The following APBA2 variants were observed in gnomAD, a reference collection of about 807,000 sequenced individuals.
APBA2 encodes the protein amyloid beta precursor protein binding family A member 2, also known as amyloid-beta A4 precursor protein-binding family A member 2.
APBA2 carries 30 observed loss-of-function variants against 75.0 expected under a neutral mutation model. The ratio of observed to expected loss-of-function variants is 0.40; its 90% CI spans 0.30 to 0.54. The LOEUF is 0.54. APBA2 is among the 20% of genes least tolerant of loss of function. The pLI is 0.49. For synonymous variants in APBA2, 444 were observed against 409.6 expected, an observed-to-expected ratio of 1.08 and a Z score of -1.01; for missense variants, 801 against 1,016.1, an observed-to-expected ratio of 0.79 and a Z score of 2.88.
intron 1 of APBA2, among the ~76,000 whole-genome samples, chr15:28,889,959 T>C (rs1197888506): frequency 6.6e-6 from 1 of 152,252 alleles, no homozygotes; most frequent in East Asian, 1.9e-4. Flanking sequence ...TAAAAGACTT[T>C]GTTCACCTCT....
chr15:29,103,320 C>T (rs1444559587), intron 10 of APBA2, among the ~76,000 whole-genome samples: 2 of 152,250 alleles, frequency 1.3e-5, no homozygotes, highest in African/African-American at 2.4e-5. Flanking sequence ...CTCTTCCCCA[C>T]CTCTCCAGCG....
chr15:29,114,123 G>T lies in APBA2; in HGVS notation c.2178+107G>T, dbSNP rs2044907075. On this transcript the variant is annotated intron_variant, in intron 14 of 14. Transcript: ENST00000683413. ...GAGGACACAGGGCATCTGAAGGTCA[G>T]CCAGGCTGTGTCTCCCATCGGGGCT... 2.0e-6 allele frequency: 3 copies of T among 1,510,154 alleles called. No individual in the cohort carries two copies. In the South Asian group the frequency reaches 3.4e-5, roughly 17 times the overall value. The allele number at this position is 1,510,154 out of a possible 1,614,324, so 93.5% of individuals were successfully genotyped here. A position where few individuals can be genotyped will look rare whatever the true frequency, so the allele number is the denominator to read the frequency against.
chr15:29,008,753 A>C (rs1026810844), intron 3 of APBA2, among the ~76,000 whole-genome samples: 1 of 152,198 alleles, frequency 6.6e-6, no homozygotes, highest in Admixed American at 6.5e-5. Context: ...GCACAGAGCC[A>C]GTCACAGGGA....
chr15:29,001,812 T>A (rs1012203649), intron 3 of APBA2, among the ~76,000 whole-genome samples: 10 of 152,208 alleles, frequency 6.6e-5, no homozygotes, highest in African/African-American at 1.9e-4. Context: ...CCCTTTTTTT[T>A]AAAAGATGGA....
chr15:29,093,842 A>G (rs2043708292), intron 7 of APBA2, among the ~76,000 whole-genome samples: 1 of 152,148 alleles, frequency 6.6e-6, no homozygotes. Flanking sequence ...CTCACCATAC[A>G]CAACCTCCTC....
intron 2 of APBA2, chr15:28,961,716 A>T (rs1304428297): frequency 6.6e-6 from 1 of 152,172 alleles, no homozygotes; most frequent in Non-Finnish European, 1.5e-5. Context: ...AACTGCAGGG[A>T]CACCCAGCGC....
At chr15:28,945,143 C>T (rs2035471394) in intron 2 of APBA2, among the ~76,000 whole-genome samples, 1 of 152,328 alleles carries the variant, frequency 6.6e-6, no homozygotes, top group Admixed American at 6.5e-5. Flanking sequence ...GCCGCGGCGT[C>T]ACTGTCAGGA....
At chr15:28,946,037 GCC>G (rs2035532839) in intron 2 of APBA2, among the ~76,000 whole-genome samples, 1 of 152,170 alleles carries the variant, frequency 6.6e-6, no homozygotes. Flanking sequence ...AATGTGGGCG[GCC>G]CAGTTGCATT....
intron 2 of APBA2, among the ~76,000 whole-genome samples, chr15:28,936,223 T>C (rs2034861426): frequency 6.6e-6 from 1 of 152,200 alleles, no homozygotes. Context: ...TTCTGCCAGC[T>C]CTCTTGCACA....
chr15:28,950,136 A>G (rs548696099), intron 2 of APBA2, among the ~76,000 whole-genome samples: 2 of 152,268 alleles, frequency 1.3e-5, no homozygotes, highest in Non-Finnish European at 2.9e-5. Context: ...GTCTTTGTGA[A>G]TATCCTTCGA....
At chr15:28,962,334 T>G (rs57116250) in intron 2 of APBA2, among the ~76,000 whole-genome samples, 41,653 of 151,802 alleles carry the variant, frequency 0.27, 10,725 homozygotes, top group African/African-American at 0.66. Flanking sequence ...CACTTTGGGA[T>G]GCAGAGGTGG....
intron 10 of APBA2, among the ~76,000 whole-genome samples, chr15:29,104,418 C>A (rs1048271166): frequency 8.5e-5 from 13 of 152,256 alleles, no homozygotes; most frequent in Non-Finnish European, 1.8e-4. Context: ...GCTCCGGGAG[C>A]TCAGTACAGC....
intron 9 of APBA2, 97 bp downstream of exon 9, chr15:29,098,673 C>A: frequency 9.8e-7 from 1 of 1,020,442 alleles, no homozygotes; most frequent in East Asian, 2.4e-5. Context: ...CAGCTTCTCT[C>A]CTGTGCTCTC....
chr15:28,945,893 AGAGTCGT>A (rs1365566512), intron 2 of APBA2, among the ~76,000 whole-genome samples: 1 of 152,146 alleles, frequency 6.6e-6, no homozygotes, highest in African/African-American at 2.4e-5. Context: ...CGTCTTAGAT[AGAGTCGT>A]GATGAGGAGG....
chr15:28,959,541 GCCT>G (rs1243750308), intron 2 of APBA2, among the ~76,000 whole-genome samples: 2 of 151,736 alleles, frequency 1.3e-5, no homozygotes, highest in Non-Finnish European at 2.9e-5. Flanking sequence ...AAGGAGCGAG[GCCT>G]CCTGAGAAAC....
chr15:29,019,002 G>A (rs1322602595), intron 3 of APBA2, among the ~76,000 whole-genome samples: 1 of 152,198 alleles, frequency 6.6e-6, no homozygotes, highest in South Asian at 2.1e-4. Context: ...GGCATAGGAA[G>A]CAAATTGACT....
intron 9 of APBA2, among the ~76,000 whole-genome samples, chr15:29,098,905 C>G (rs184451996): frequency 9.2e-4 from 140 of 152,312 alleles, no homozygotes; most frequent in African/African-American, 3.3e-3. Flanking sequence ...CACACTGCAG[C>G]CCACCACTCC....
intron 1 of APBA2, among the ~76,000 whole-genome samples, chr15:28,893,025 G>C (rs914410602): frequency 6.6e-6 from 1 of 152,222 alleles, no homozygotes; most frequent in African/African-American, 2.4e-5. Context: ...ATGTGCTCTA[G>C]CATCTGTCTG....
chr15:29,088,146 C>G (rs114324884), intron 6 of APBA2, among the ~76,000 whole-genome samples: 52 of 152,238 alleles, frequency 3.4e-4, no homozygotes, highest in African/African-American at 1.2e-3. Flanking sequence ...GCCCAATACA[C>G]GAGGTCTCCT....
Sources: allele counts gnomAD v4.1 joint callset (sites outside exome capture counted in the v4.1 genomes callset), GRCh38; gene constraint gnomAD v4.1.1; transcripts MANE v1.5; gene names NCBI Gene and HGNC (gene_info 2026-07-23, HGNC 2026-07-21).